The following EHD4 variants were observed in gnomAD, a reference collection of about 807,000 sequenced individuals.
EHD4 encodes EH domain-containing protein 4.
EHD4 carries 37 observed loss-of-function variants against 51.0 expected under a neutral mutation model. That is an observed-to-expected ratio of 0.73 (90% CI 0.56 to 0.95). The LOEUF (loss-of-function observed/expected upper bound fraction) is 0.95. Among genes scored for constraint, EHD4 ranks in the 40% least tolerant of loss-of-function variants. The probability of loss-of-function intolerance (pLI) is 0.00; values close to 1 mark genes in which losing one functional copy is unlikely to be tolerated. For missense variants in EHD4, 632 were observed against 733.1 expected, an observed-to-expected ratio of 0.86 and a Z score of 1.59; for synonymous variants, 297 against 317.3, an observed-to-expected ratio of 0.94 and a Z score of 0.68.
chr15:41,935,540 TAGG>T (rs1337519477), intron 3 of EHD4, among the ~76,000 whole-genome samples: 4 of 152,026 alleles, frequency 2.6e-5, no homozygotes, highest in East Asian at 1.9e-4. Flanking sequence ...AGGAAAAAAA[TAGG>T]AGATTTGATG....
At chr15:41,952,756 G>T (rs1320798056) in intron 2 of EHD4, among the ~76,000 whole-genome samples, 1 of 152,084 alleles carries the variant, frequency 6.6e-6, no homozygotes, top group Non-Finnish European at 1.5e-5. Flanking sequence ...CTGGGAAGGC[G>T]AGGCGGGTGG....
At chr15:41,902,793 G>A (rs1190785139) in intron 5 of EHD4, among the ~76,000 whole-genome samples, 1 of 146,366 alleles carries the variant, frequency 6.8e-6, no homozygotes, top group Non-Finnish European at 1.5e-5. Flanking sequence ...ATATGTATGT[G>A]TATATATATG....
At chr15:41,939,966 C>T (rs1418273196) in intron 3 of EHD4, among the ~76,000 whole-genome samples, 2 of 152,032 alleles carry the variant, frequency 1.3e-5, no homozygotes, top group African/African-American at 4.8e-5. Context: ...ACGTTTACTC[C>T]CCTGGAATGC....
chr15:41,923,042 T>C (rs1356632361), intron 3 of EHD4, among the ~76,000 whole-genome samples: 5 of 152,170 alleles, frequency 3.3e-5, no homozygotes, highest in Admixed American at 3.3e-4. Context: ...TAGGATTATT[T>C]TGCTACTTTA....
intron 1 of EHD4, among the ~76,000 whole-genome samples, chr15:41,955,042 C>T (rs758903134): frequency 8.6e-4 from 131 of 152,278 alleles, no homozygotes; most frequent in Admixed American, 2.1e-3. Context: ...AGTTGTGGCA[C>T]CCCAGAATAG....
chr15:41,913,687 G>A (rs941205425), intron 4 of EHD4, among the ~76,000 whole-genome samples: 1 of 152,212 alleles, frequency 6.6e-6, no homozygotes, highest in Non-Finnish European at 1.5e-5. Flanking sequence ...ACAGTAATGA[G>A]AGAGAGGGCT....
At chr15:41,952,926 G>T (rs2067861523) in intron 2 of EHD4, among the ~76,000 whole-genome samples, 1 of 144,808 alleles carries the variant, frequency 6.9e-6, no homozygotes, top group Non-Finnish European at 1.5e-5. Context: ...GGAGGCGGAG[G>T]TTGCAGTGAG....
intron 2 of EHD4, among the ~76,000 whole-genome samples, chr15:41,945,100 C>G (rs965159836): frequency 6.6e-6 from 1 of 152,224 alleles, no homozygotes. Flanking sequence ...GAATGATTGT[C>G]TCTCAGTGCC....
chr15:41,965,278 T>C (rs1304402354), intron 1 of EHD4, among the ~76,000 whole-genome samples: 1 of 152,208 alleles, frequency 6.6e-6, no homozygotes, highest in Non-Finnish European at 1.5e-5. Flanking sequence ...TATAATGACA[T>C]AAGAAAATGC....
chr15:41,941,582 G>GTTTTTTTTTTTTT (rs55852618), intron 3 of EHD4: 1 of 141,968 alleles, frequency 7.0e-6, no homozygotes. Flanking sequence ...GTTTTTTGGT[G>GTTTTTTTTTTTTT]TTTTTTTTTT....
At chr15:41,970,060 A>G (rs912974661) in intron 1 of EHD4, among the ~76,000 whole-genome samples, 3 of 152,174 alleles carry the variant, frequency 2.0e-5, no homozygotes, top group African/African-American at 4.8e-5. Flanking sequence ...CTTCCGCTCA[A>G]GATGAATCCA....
intron 2 of EHD4, among the ~76,000 whole-genome samples, chr15:41,949,016 C>CCA (rs2067833860): frequency 1.1e-5 from 1 of 92,446 alleles, no homozygotes; most frequent in Non-Finnish European, 2.1e-5. Context: ...CAGAGTGAGA[C>CCA]TATATATATA....
In EHD4 at chr15:41,907,878, T is replaced by TGTA. The variant is rs1567243923; in HGVS notation, c.1089+1820_1089+1821insTAC. On this transcript the variant is annotated intron_variant, in intron 5 of 5. Transcript: ENST00000220325. ...TGTGTGTGTGTGTGTGTGTATATATTTATTTATTTTTTGAGATGGGGTCTG... is the reference window on the plus strand; with the variant it reads ...TGTGTGTGTGTGTGTGTGTATATATTGTATATTTATTTTTTGAGATGGGGTCTG... Among the ~76,000 whole-genome samples the TGTA allele has an allele frequency of 1.6e-4, 21 of 134,122 alleles. No individual in the cohort carries two copies. The South Asian group carries it at 2.8e-3, about 18-fold the overall frequency. The allele number at this position is 134,122 out of a possible 152,430, so 88.0% of individuals were successfully genotyped here.
chr15:41,919,236 G>C lies in EHD4; in HGVS notation c.898C>G (p.Leu300Val). The C allele has an allele frequency of 6.2e-7, 1 of 1,614,088 alleles. No homozygotes were observed. Among genetic ancestry groups the C allele is most frequent in the East Asian group, 2.2e-5 (1 of 44,892 alleles). The change falls in exon 4 of 6, where the codon CTC (leucine) becomes GTC (valine). Residue 300 changes from leucine (L) to valine (V), a missense_variant. Leu to Val is a conservative substitution (Grantham distance 32). Transcript: ENST00000220325. ...TTGGCCAGCCTCGCTCGCTTGATGAGGTCGTTGAGCTTGCGCACCGCTGCC... is the reference window on the plus strand; with the variant it reads ...TTGGCCAGCCTCGCTCGCTTGATGACGTCGTTGAGCTTGCGCACCGCTGCC... The part of the protein sequence containing the change: ...QKAAVRKLND[L>V]IKRARLAKVH...
At chr15:41,904,400 A>G (rs1279578807) in intron 5 of EHD4, among the ~76,000 whole-genome samples, 1 of 151,400 alleles carries the variant, frequency 6.6e-6, no homozygotes, top group African/African-American at 2.4e-5. Flanking sequence ...GGCACCAGTT[A>G]AACCATCATC....
At chr15:41,966,983 C>G (rs1231942732) in intron 1 of EHD4, among the ~76,000 whole-genome samples, 1 of 152,220 alleles carries the variant, frequency 6.6e-6, no homozygotes, top group Non-Finnish European at 1.5e-5. Context: ...GTCAACAGAC[C>G]AGCCCAGATA....
chr15:41,943,232 C>T (rs781686748), intron 2 of EHD4, 68 bp from the exon 3 acceptor site: 56 of 1,261,282 alleles, frequency 4.4e-5, no homozygotes, highest in Admixed American at 6.2e-5. Flanking sequence ...CATGGGGCTT[C>T]TTGGCCTCTC....
chr15:41,927,521 A>G (rs1447868265), intron 3 of EHD4, among the ~76,000 whole-genome samples: 1 of 152,262 alleles, frequency 6.6e-6, no homozygotes, highest in Non-Finnish European at 1.5e-5. Flanking sequence ...CTTAAAAAAA[A>G]TTCTGCAATA....
intron 2 of EHD4, among the ~76,000 whole-genome samples, chr15:41,951,244 T>C (rs1236549450): frequency 6.6e-6 from 1 of 152,240 alleles, no homozygotes; most frequent in African/African-American, 2.4e-5. Flanking sequence ...TTAAAGCTAA[T>C]ACACAAGTCT....
Sources: gnomAD v4.1 joint callset for allele counts (sites outside exome capture counted in the v4.1 genomes callset) on GRCh38, gnomAD v4.1.1 for gene constraint, MANE v1.5 for transcripts, NCBI Gene and HGNC (gene_info 2026-07-23, HGNC 2026-07-21) for gene names.